Variants in OTC observed in about 807,000 individuals in gnomAD.
OTC encodes the protein ornithine transcarbamylase, mitochondrial.
In OTC, 3 loss-of-function variants were observed where a neutral mutation model predicts 30.3. The ratio of observed to expected loss-of-function variants is 0.10; its 90% CI spans 0.05 to 0.26. The LOEUF (loss-of-function observed/expected upper bound fraction) is 0.26, where lower values mean the gene tolerates loss of function less well. Among genes scored for constraint, OTC ranks in the 10% least tolerant of loss-of-function variants. The pLI is 1.00. For missense variants in OTC, 194 were observed against 260.3 expected, an observed-to-expected ratio of 0.75 and a Z score of 1.75; for synonymous variants, 111 against 99.7, an observed-to-expected ratio of 1.11 and a Z score of -0.67.
intron 1 of OTC, among the ~76,000 whole-genome samples, chrX:38,357,769 T>G (rs966735793): frequency 8.9e-6 from 1 of 112,561 alleles, no homozygotes; most frequent in African/African-American, 3.2e-5. Flanking sequence ...AAGGATCTCT[T>G]ATTACCTTGG....
intron 9 of OTC, among the ~76,000 whole-genome samples, chrX:38,416,298 T>C (rs1353459205): frequency 9.0e-6 from 1 of 111,574 alleles, no homozygotes; most frequent in Admixed American, 9.5e-5. Flanking sequence ...AATCGCATCA[T>C]TCTCTTCATA....
intron 4 of OTC, among the ~76,000 whole-genome samples, chrX:38,393,437 T>C (rs1006908562): frequency 1.8e-5 from 2 of 112,533 alleles, no homozygotes; most frequent in Non-Finnish European, 3.8e-5. Context: ...TTTACTTTTG[T>C]ATGGTCCTGG....
chrX:38,419,072 A>G (rs979050061), intron 9 of OTC, among the ~76,000 whole-genome samples: 1 of 111,468 alleles, frequency 9.0e-6, no homozygotes, highest in African/African-American at 3.3e-5. Context: ...AGTTTTCTCA[A>G]CACCATTTGC....
rs368534980 is a variant in OTC, at chrX:38,411,665, C to CAA, written c.868-183_868-182dup. ...TGGGTGACAGAGCGAGACTCTGTCT[C>CAA]AAAAAAAAAAAAAAATTTGAAAGTA... On this transcript the variant is annotated intron_variant, in intron 8 of 9. Transcript: ENST00000039007. Among the ~76,000 whole-genome samples the CAA allele has an allele frequency of 0.014, 1,268 of 87,897 alleles. 27 individuals carry two copies. The highest frequency in any genetic ancestry group is 0.05 in the African/African-American group (1,217 of 24,280). The allele number at this position is 87,897 out of a possible 115,157, so 76.3% of individuals were successfully genotyped here. A position where few individuals can be genotyped will look rare whatever the true frequency, so the allele number is the denominator to read the frequency against.
chrX:38,409,479 G>A, intron 8 of OTC, among the ~76,000 whole-genome samples: 1 of 112,585 alleles, frequency 8.9e-6, no homozygotes, highest in East Asian at 2.8e-4. Flanking sequence ...GGACTCATCT[G>A]TTTGGCTGTC....
chrX:38,403,581 C>T (rs776079756), intron 5 of OTC, 37 bp from the exon 6 acceptor site: 15 of 1,198,911 alleles, frequency 1.3e-5, no homozygotes, highest in South Asian at 1.2e-4. Context: ...AGCGAATTTA[C>T]GCCTGGATTT....
chrX:38,357,106 A>G (rs2068245901), intron 1 of OTC, among the ~76,000 whole-genome samples: 2 of 111,784 alleles, frequency 1.8e-5, no homozygotes, highest in African/African-American at 6.5e-5. Flanking sequence ...AGACATAGAC[A>G]AAGAGAATCG....
rs2068546163 is a variant in OTC, at chrX:38,411,981, C to T, written c.987C>T (p.Asn329=). ...CACTAGTGTTCCCAGAGGCAGAAAA[C>T]AGAAAGTGGACAATCATGGTAAGCA... ...PRSLVFPEAE[N]RKWTIMAVMV... is the part of the protein sequence containing the mutation. The change falls in exon 9 of 10, where the codon AAC becomes AAT. Residue 329 remains asparagine, a synonymous_variant. Transcript: ENST00000039007. 8.3e-7 allele frequency: 1 copy of T among 1,210,343 alleles called. No homozygotes were observed. Among genetic ancestry groups the T allele is most frequent in the Non-Finnish European group, 1.1e-6 (1 of 894,338 alleles).
intron 2 of OTC, among the ~76,000 whole-genome samples, chrX:38,369,454 T>G (rs947659059): frequency 3.6e-5 from 4 of 109,926 alleles, no homozygotes; most frequent in African/African-American, 1.3e-4. Context: ...TTCAAGCAAT[T>G]CTCCTGCCTC....
At chrX:38,377,418 C>T (rs1413481802) in intron 3 of OTC, among the ~76,000 whole-genome samples, 2 of 111,140 alleles carry the variant, frequency 1.8e-5, no homozygotes, top group East Asian at 5.6e-4. Context: ...AAAGCAAGAG[C>T]AAACCAAACC....
upstream of OTC, chrX:38,352,486 G>A (rs2068222814): frequency 2.0e-5 from 8 of 404,665 alleles, no homozygotes; most frequent in Non-Finnish European, 3.0e-5. Context: ...AATACACAGC[G>A]GTGGAGCTTG....
intron 1 of OTC, among the ~76,000 whole-genome samples, chrX:38,363,491 C>G (rs1374031845): frequency 9.0e-6 from 1 of 111,496 alleles, no homozygotes; most frequent in East Asian, 2.8e-4. Context: ...TTTATAATCC[C>G]CAGAAGAAGA....
chrX:38,382,904 T>A (rs1047107704), intron 4 of OTC, among the ~76,000 whole-genome samples: 1 of 111,187 alleles, frequency 9.0e-6, no homozygotes, highest in Admixed American at 9.6e-5. Flanking sequence ...CAGAAAGAGG[T>A]CAGGATCCAG....
At chrX:38,376,950 G>A (rs1187930799) in intron 3 of OTC, among the ~76,000 whole-genome samples, 1 of 111,905 alleles carries the variant, frequency 8.9e-6, no homozygotes, top group Non-Finnish European at 1.9e-5. Context: ...AATCAACAAA[G>A]AAACATTAGA....
At chrX:38,343,095 G>A in the OTC span, among the ~76,000 whole-genome samples, 2 of 112,249 alleles carry the variant, frequency 1.8e-5, no homozygotes, top group African/African-American at 6.5e-5. Context: ...GACTTTTGAA[G>A]CCATCCAAGA....
At chrX:38,394,533 T>C (rs1175113524) in intron 4 of OTC, among the ~76,000 whole-genome samples, 2 of 111,629 alleles carry the variant, frequency 1.8e-5, no homozygotes, top group Non-Finnish European at 3.8e-5. Context: ...TAATTCATTT[T>C]CTTTTTTCGT....
chrX:38,346,941 A>T, the OTC span, among the ~76,000 whole-genome samples: 1 of 112,578 alleles, frequency 8.9e-6, no homozygotes, highest in Non-Finnish European at 1.9e-5. Flanking sequence ...AGTTTATTAC[A>T]TACTGATGTA....
chrX:38,387,201 C>G (rs1193909008), intron 4 of OTC, among the ~76,000 whole-genome samples: 3 of 111,173 alleles, frequency 2.7e-5, no homozygotes, highest in African/African-American at 9.8e-5. Context: ...GACATTAACC[C>G]CTTGTGAGAC....
rs953864527 is a variant in OTC, at chrX:38,416,762, G to A, written c.1006-4261G>A. Among the ~76,000 whole-genome samples, 4 of 112,111 alleles carry A rather than the reference G, an allele frequency of 3.6e-5. 1 individual carries two copies. Among genetic ancestry groups the A allele is most frequent in the East Asian group, 2.8e-4 (1 of 3,595 alleles). The stretch of plus-strand genomic sequence containing the variant: ...GAAATTCTTATTTAACTGTTTGTCC[G>A]TGTTTATTTAACTGAATCTGACAAT... On this transcript the variant is annotated intron_variant, in intron 9 of 9. Transcript: ENST00000039007.
Sources: allele counts gnomAD v4.1 joint callset (sites outside exome capture counted in the v4.1 genomes callset), GRCh38; gene constraint gnomAD v4.1.1; transcripts MANE v1.5; gene names NCBI Gene and HGNC (gene_info 2026-07-23, HGNC 2026-07-21).